The following R3HDM1 variants were observed in gnomAD, a reference collection of about 807,000 sequenced individuals.
R3HDM1 encodes the protein R3H domain containing 1, also known as R3H domain-containing protein 1.
In R3HDM1, 46 loss-of-function variants were observed where a neutral mutation model predicts 141.1. That is an observed-to-expected ratio of 0.33 (90% CI 0.26 to 0.42). R3HDM1 has a LOEUF of 0.42. Among genes scored for constraint, R3HDM1 ranks in the 10% least tolerant of loss-of-function variants. The pLI, the probability that R3HDM1 is intolerant of heterozygous loss-of-function variation, is 1.00. For synonymous variants in R3HDM1, 435 were observed against 472.9 expected (o/e 0.92, Z 1.04); for missense variants, 1,184 against 1,368.3 (o/e 0.87, Z 2.12).
At chr2:135,615,554 A>AC (rs2060946282) in intron 3 of R3HDM1, among the ~76,000 whole-genome samples, 1 of 152,142 alleles carries the variant, frequency 6.6e-6, no homozygotes, top group South Asian at 2.1e-4. Flanking sequence ...GTCATGCTGG[A>AC]CATCCGTATT....
chr2:135,547,884 C>T (rs895024633), intron 1 of R3HDM1, among the ~76,000 whole-genome samples: 1 of 150,600 alleles, frequency 6.6e-6, no homozygotes, highest in Non-Finnish European at 1.5e-5. Flanking sequence ...AGTGATTCTC[C>T]TGCCTCAGCC....
rs57840342 is a variant in R3HDM1 at position 135,626,213 on chromosome 2, T to G, written c.497+3481T>G. Among the ~76,000 whole-genome samples, 325 of 123,962 alleles carry G rather than the reference T, an allele frequency of 2.6e-3. 3 individuals carry two copies. Among genetic ancestry groups the G allele is most frequent in the East Asian group, 9.8e-3 (39 of 3,968 alleles). The allele number at this position is 123,962 out of a possible 152,430, so 81.3% of individuals were successfully genotyped here. ...CGTGCGTGCGTGCGTGCGTGCGTGC[T>G]TGCTTGCTTGCTTGCTTGCTTGCTT... On this transcript the variant is annotated intron_variant, in intron 7 of 26. Coordinates refer to ENST00000683871, the MANE Select transcript of R3HDM1 (RefSeq NM_001378107.1).
At chr2:135,585,718 AAT>A (rs1315455799) in intron 1 of R3HDM1, among the ~76,000 whole-genome samples, 2 of 152,186 alleles carry the variant, frequency 1.3e-5, no homozygotes, top group African/African-American at 4.8e-5. Context: ...CACTTGAGCT[AAT>A]ATAGCCAACA....
chr2:135,714,021 A>G (rs1481167743), intron 23 of R3HDM1, among the ~76,000 whole-genome samples: 1 of 152,218 alleles, frequency 6.6e-6, no homozygotes, highest in African/African-American at 2.4e-5. Flanking sequence ...CACCACCAAG[A>G]AAACCATCAG....
intron 24 of R3HDM1, among the ~76,000 whole-genome samples, chr2:135,716,366 C>T (rs1211744157): frequency 1.3e-5 from 2 of 152,192 alleles, no homozygotes; most frequent in African/African-American, 2.4e-5. Context: ...AAGGAAATGG[C>T]TATGCCCTTG....
intron 1 of R3HDM1, among the ~76,000 whole-genome samples, chr2:135,571,126 T>A (rs1704005418): frequency 6.6e-6 from 1 of 152,176 alleles, no homozygotes; most frequent in South Asian, 2.1e-4. Context: ...AAAATGTTTG[T>A]TGAAAAATGT....
chr2:135,615,766 GT>G (rs1052245874), intron 3 of R3HDM1, among the ~76,000 whole-genome samples: 1 of 152,084 alleles, frequency 6.6e-6, no homozygotes, highest in African/African-American at 2.4e-5. Context: ...TTAACTGCTG[GT>G]TTTTGTGTGT....
Position 135,561,298 on chromosome 2 carries a change from C to T in R3HDM1, c.-250+29665C>T, listed in dbSNP as rs1271088134. The T allele has an allele frequency of 6.1e-6, 6 of 985,024 alleles. No homozygotes were observed. In the Admixed American group the frequency reaches 3.7e-4, roughly 61 times the overall value. The allele number at this position is 985,024 out of a possible 1,614,324, so 61.0% of individuals were successfully genotyped here. On this transcript the variant is annotated intron_variant, in intron 1 of 26. Transcript: ENST00000683871. ...CTGATTACATTTTATCTGTTGGTTCCAATTTTGCCTTCGGATAAGTTTTAT... is the reference window on the plus strand; with the variant it reads ...CTGATTACATTTTATCTGTTGGTTCTAATTTTGCCTTCGGATAAGTTTTAT...
rs754669532 is a variant in R3HDM1 at position 135,709,420 on chromosome 2, G to A, written c.2460-13G>A. 3 of 1,610,798 alleles carry A rather than the reference G, an allele frequency of 1.9e-6. No homozygotes were observed. The highest frequency in any genetic ancestry group is 2.5e-6 in the Non-Finnish European group (3 of 1,178,972). On this transcript the variant is annotated splice_polypyrimidine_tract_variant and intron_variant, in intron 21 of 26. Transcript: ENST00000683871. ...CCTCCTCTCATTATGCTGTTTTTTT[G>A]TTTTTTCCATAGCTCTTCAGTAGGT...
chr2:135,620,153 TG>T (rs1447981773), intron 5 of R3HDM1: 1 of 247,974 alleles, frequency 4.0e-6, no homozygotes, highest in African/African-American at 2.3e-5. Flanking sequence ...TGCTAGTTAC[TG>T]GAAGTGCCTT....
At chr2:135,596,179 G>A (rs1239949039) in intron 1 of R3HDM1, among the ~76,000 whole-genome samples, 1 of 151,942 alleles carries the variant, frequency 6.6e-6, no homozygotes, top group East Asian at 1.9e-4. Flanking sequence ...TTGTATTTTA[G>A]TAGAGACAGG....
chr2:135,711,963 TAAA>T lies in R3HDM1; in HGVS notation c.2736+1755_2736+1757del, dbSNP rs35616482. Among the ~76,000 whole-genome samples the T allele has an allele frequency of 1.5e-3, 131 of 85,098 alleles. 1 individual carries two copies. The highest frequency in any genetic ancestry group is 4.0e-3 in the Admixed American group (27 of 6,694). The allele number at this position is 85,098 out of a possible 152,430, so 55.8% of individuals were successfully genotyped here. ...GACAGAGCGAGACTCTGTCTAAAAT[TAAA>T]AAAAAAAAAAAAAAAAAAAAAAGAG... On this transcript the variant is annotated intron_variant, in intron 23 of 26. Transcript: ENST00000683871.
chr2:135,593,383 C>G (rs948660750), intron 1 of R3HDM1, among the ~76,000 whole-genome samples: 2 of 152,196 alleles, frequency 1.3e-5, no homozygotes, highest in Non-Finnish European at 2.9e-5. Context: ...TTTACCCTCA[C>G]TAGCACTATA....
chr2:135,604,139 T>G (rs2059851091), intron 2 of R3HDM1, among the ~76,000 whole-genome samples: 1 of 152,200 alleles, frequency 6.6e-6, no homozygotes, highest in Non-Finnish European at 1.5e-5. Context: ...TTTCAATGCT[T>G]TCTTCATATT....
intron 1 of R3HDM1, among the ~76,000 whole-genome samples, chr2:135,600,638 G>A (rs1415321581): frequency 4.6e-5 from 7 of 152,176 alleles, no homozygotes; most frequent in Non-Finnish European, 1.0e-4. Flanking sequence ...TAATGCTAGT[G>A]CACTTCCCTT....
In R3HDM1 at chr2:135,621,662, A is replaced by T; in HGVS notation, c.418+54A>T. On this transcript the variant is annotated intron_variant, in intron 6 of 26. Coordinates refer to ENST00000683871, the MANE Select transcript of R3HDM1 (RefSeq NM_001378107.1). ...AAAAAATTTTGCTATCAGTAATTCC[A>T]TCCTTTTCCCCTTGAATAATTATAT... 2 of 1,453,038 alleles carry T rather than the reference A, an allele frequency of 1.4e-6. 1 individual carries two copies. The highest frequency in any genetic ancestry group is 2.9e-5 in the South Asian group (2 of 69,220). 90.0% of individuals were successfully genotyped at this position (1,453,038 alleles called of 1,614,324 possible).
chr2:135,628,112 A>G (rs1198817462), intron 7 of R3HDM1, among the ~76,000 whole-genome samples: 1 of 152,196 alleles, frequency 6.6e-6, no homozygotes, highest in Non-Finnish European at 1.5e-5. Flanking sequence ...AAAGATCAAT[A>G]TACCTTGAGA....
chr2:135,615,248 T>G (rs200442522), intron 3 of R3HDM1, among the ~76,000 whole-genome samples: 1 of 98,968 alleles, frequency 1.0e-5, no homozygotes, highest in Admixed American at 1.3e-4. Context: ...AAATGATGGG[T>G]TTTTTTTTTT....
In R3HDM1 at chr2:135,723,985, G is replaced by A. The variant is rs1296406727; in HGVS notation, c.3098G>A (p.Arg1033His). 4 of 1,613,800 alleles carry A rather than the reference G, an allele frequency of 2.5e-6. No individual in the cohort carries two copies. The highest frequency in any genetic ancestry group is 2.2e-5 in the East Asian group (1 of 44,878). Reference protein sequence around the residue: ...EITELPDGITRMEAEKLFGEL... With the variant: ...EITELPDGITHMEAEKLFGEL... ...ACTGAACTACCAGATGGAATAACTCGCATGGAAGCTGAAAAGCTTTTTGGG... is the reference window on the plus strand; with the variant it reads ...ACTGAACTACCAGATGGAATAACTCACATGGAAGCTGAAAAGCTTTTTGGG... The change falls in exon 27 of 27, where the codon CGC (arginine) becomes CAC (histidine). Residue 1033 changes from arginine (R) to histidine (H), a missense_variant. Transcript: ENST00000683871.
Sources: gnomAD v4.1 joint callset for allele counts (sites outside exome capture counted in the v4.1 genomes callset) on GRCh38, gnomAD v4.1.1 for gene constraint, MANE v1.5 for transcripts, NCBI Gene and HGNC (gene_info 2026-07-23, HGNC 2026-07-21) for gene names.